PTPRD: variants seen among roughly 807,000 people sequenced by gnomAD.
PTPRD encodes the protein receptor-type tyrosine-protein phosphatase delta.
Under a neutral mutation model 214.5 loss-of-function variants are expected in PTPRD, and 34 were observed. The observed-to-expected ratio is 0.16, with a 90% CI of 0.12 to 0.21. The LOEUF is 0.21. PTPRD is among the 10% of genes least tolerant of loss of function. The pLI is 1.00. For missense variants in PTPRD, 2,545 were observed against 2,398.7 expected, an observed-to-expected ratio of 1.06 and a Z score of -1.27; for synonymous variants, 1,128 against 845.7, an observed-to-expected ratio of 1.33 and a Z score of -5.79.
At chr9:8,397,236 G>C (rs994611624) in intron 36 of PTPRD, among the ~76,000 whole-genome samples, 13 of 152,090 alleles carry the variant, frequency 8.5e-5, no homozygotes, top group African/African-American at 3.1e-4. Flanking sequence ...CTATTCACTA[G>C]TGACTGGGAA....
chr9:8,571,921 G>A (rs1174996308), intron 14 of PTPRD, among the ~76,000 whole-genome samples: 8 of 152,070 alleles, frequency 5.3e-5, no homozygotes, highest in African/African-American at 1.9e-4. Context: ...GTTTGGTCAT[G>A]GTCTCTTTCA....
At chr9:10,593,823 G>A (rs1315113763) in intron 2 of PTPRD, among the ~76,000 whole-genome samples, 1 of 151,856 alleles carries the variant, frequency 6.6e-6, no homozygotes, top group Non-Finnish European at 1.5e-5. Flanking sequence ...TGAAAAAAAT[G>A]TCTTTTTTTC....
intron 2 of PTPRD, among the ~76,000 whole-genome samples, chr9:10,559,064 A>C (rs1268456872): frequency 6.6e-6 from 1 of 152,164 alleles, no homozygotes; most frequent in Non-Finnish European, 1.5e-5. Flanking sequence ...CATCAACTTC[A>C]TGAGAGTAAA....
intron 5 of PTPRD, among the ~76,000 whole-genome samples, chr9:9,849,260 T>C (rs955505931): frequency 7.2e-5 from 11 of 151,908 alleles, no homozygotes; most frequent in South Asian, 6.2e-4. Flanking sequence ...ACAAGCTGTA[T>C]AAGGAGAGCT....
chr9:8,678,808 A>G (rs1239238851), intron 12 of PTPRD, among the ~76,000 whole-genome samples: 1 of 152,198 alleles, frequency 6.6e-6, no homozygotes, highest in Non-Finnish European at 1.5e-5. Context: ...TATCCAGTCT[A>G]ATAACATAAA....
chr9:9,127,559 G>A (rs2099835979), intron 10 of PTPRD, among the ~76,000 whole-genome samples: 1 of 152,134 alleles, frequency 6.6e-6, no homozygotes, highest in Non-Finnish European at 1.5e-5. Flanking sequence ...CAATGATAAT[G>A]GATGTCTATT....
At chr9:8,567,349 T>C (rs2089637306) in intron 14 of PTPRD, among the ~76,000 whole-genome samples, 1 of 152,200 alleles carries the variant, frequency 6.6e-6, no homozygotes, top group South Asian at 2.1e-4. Flanking sequence ...CAGGAGTCAC[T>C]TTCTCCAAAA....
At chr9:9,682,032 G>A (rs1423299260) in intron 7 of PTPRD, among the ~76,000 whole-genome samples, 1 of 151,712 alleles carries the variant, frequency 6.6e-6, no homozygotes, top group East Asian at 1.9e-4. Flanking sequence ...CAATTGATGA[G>A]CCTGACAATC....
chr9:9,907,157 A>G (rs2077804110), intron 5 of PTPRD, among the ~76,000 whole-genome samples: 1 of 74,386 alleles, frequency 1.3e-5, no homozygotes, highest in Non-Finnish European at 2.7e-5. Context: ...CTATTCCCCA[A>G]ACTCCAGGTT....
Position 8,492,361 on chromosome 9 carries a change from T to A in PTPRD, c.2467+501A>T, listed in dbSNP as rs905502476. On this transcript the variant is annotated intron_variant, in intron 27 of 45. Coordinates refer to ENST00000381196, the MANE Select transcript of PTPRD (RefSeq NM_002839.4). Reference sequence around the variant, plus strand: ...ATGGGACTTGATCCTTCACGTCATTTGAGTCTCGACTTAAATAATCCTTCC... The same window carrying A: ...ATGGGACTTGATCCTTCACGTCATTAGAGTCTCGACTTAAATAATCCTTCC... 1.2e-3 allele frequency among the ~76,000 whole-genome samples: 181 copies of A among 152,322 alleles called. 1 individual carries two copies. Among genetic ancestry groups the A allele is most frequent in the African/African-American group, 3.7e-3 (155 of 41,580 alleles).
In PTPRD at chr9:8,966,913, A is replaced by AAAACAAAC. The variant is rs75275198; in HGVS notation, c.-104+51776_-104+51783dup. Among the ~76,000 whole-genome samples the AAAACAAAC allele has an allele frequency of 3.8e-4, 57 of 151,572 alleles. 1 individual carries two copies. The highest frequency in any genetic ancestry group is 6.8e-3 in the Middle Eastern group (2 of 292). ...AGGAACTTAAACAATTGAACAAGCAAAAACAAACAAACAAACAAACAACAA... is the reference window on the plus strand; with the variant it reads ...AGGAACTTAAACAATTGAACAAGCAAAAACAAACAAACAAACAAACAAACAAACAACAA... On this transcript the variant is annotated intron_variant, in intron 11 of 45. Coordinates refer to ENST00000381196, the MANE Select transcript of PTPRD (RefSeq NM_002839.4).
At chr9:9,789,796 CAAAA>C (rs774579667) in intron 5 of PTPRD, among the ~76,000 whole-genome samples, 6 of 40,828 alleles carry the variant, frequency 1.5e-4, no homozygotes, top group African/African-American at 4.9e-4. Flanking sequence ...AACTCTGTCT[CAAAA>C]AAAAAAAAAA....
intron 30 of PTPRD, among the ~76,000 whole-genome samples, chr9:8,476,251 G>C (rs10119472): frequency 0.04 from 6,133 of 152,150 alleles, 411 homozygotes; most frequent in African/African-American, 0.14. Flanking sequence ...ATAAAGAGCC[G>C]GCAACCTAAA....
intron 6 of PTPRD, among the ~76,000 whole-genome samples, chr9:9,762,802 C>G (rs1295648336): frequency 6.6e-6 from 1 of 152,206 alleles, no homozygotes; most frequent in Non-Finnish European, 1.5e-5. Flanking sequence ...CATAGCAGCA[C>G]CCTATTTCTT....
At chr9:8,363,780 C>A (rs191117305) in intron 39 of PTPRD, among the ~76,000 whole-genome samples, 1 of 152,184 alleles carries the variant, frequency 6.6e-6, no homozygotes, top group African/African-American at 2.4e-5. Context: ...AGCCCCCACC[C>A]CCAGCTATGT....
chr9:9,642,851 G>A (rs2096012647), intron 7 of PTPRD, among the ~76,000 whole-genome samples: 1 of 152,124 alleles, frequency 6.6e-6, no homozygotes, highest in African/African-American at 2.4e-5. Context: ...CATAGAAATT[G>A]AGAACATATT....
At chr9:9,580,332 G>A (rs2090338985) in intron 7 of PTPRD, among the ~76,000 whole-genome samples, 1 of 152,052 alleles carries the variant, frequency 6.6e-6, no homozygotes, top group Non-Finnish European at 1.5e-5. Context: ...CACCAACAGT[G>A]TATAAGTCTT....
At chr9:9,316,659 T>A (rs540072115) in intron 9 of PTPRD, among the ~76,000 whole-genome samples, 1 of 152,078 alleles carries the variant, frequency 6.6e-6, no homozygotes, top group East Asian at 1.9e-4. Context: ...CTTCCAAGAA[T>A]TGTAGCATGA....
intron 14 of PTPRD, among the ~76,000 whole-genome samples, chr9:8,577,892 C>G (rs552713670): frequency 6.6e-6 from 1 of 152,080 alleles, no homozygotes; most frequent in Non-Finnish European, 1.5e-5. Context: ...GATTCTGATG[C>G]GTACTGATGT....
Sources: allele counts gnomAD v4.1 joint callset (sites outside exome capture counted in the v4.1 genomes callset), GRCh38; gene constraint gnomAD v4.1.1; transcripts MANE v1.5; gene names NCBI Gene and HGNC (gene_info 2026-07-23, HGNC 2026-07-21).